Variants in CCDC187 observed in about 807,000 individuals in gnomAD.
CCDC187 encodes coiled-coil domain containing 187, also known as coiled-coil domain-containing protein 187.
In CCDC187, 32 loss-of-function variants were observed where a neutral mutation model predicts 38.0. The observed-to-expected ratio is 0.84, with a 90% CI of 0.64 to 1.13. The LOEUF is 1.13. Ranked by LOEUF, CCDC187 falls within the 50% of genes most tolerant of loss-of-function variation. The pLI is 0.00. For synonymous variants in CCDC187, 333 were observed against 347.9 expected (o/e 0.96, Z 0.48); for missense variants, 707 against 786.8 (o/e 0.90, Z 1.21).
chr9:136,284,334 G>A (rs1293237087), intron 9 of CCDC187, among the ~76,000 whole-genome samples: 1 of 152,158 alleles, frequency 6.6e-6, no homozygotes, highest in Non-Finnish European at 1.5e-5. Context: ...CTGATGTCTG[G>A]GGAGCCCACG....
At chr9:136,282,566 C>T (rs1485445972) in intron 9 of CCDC187, among the ~76,000 whole-genome samples, 4 of 152,212 alleles carry the variant, frequency 2.6e-5, no homozygotes, top group African/African-American at 7.2e-5. Flanking sequence ...GGGCCCCCAT[C>T]TGTGCTTCCT....
intron 3 of CCDC187, among the ~76,000 whole-genome samples, chr9:136,299,802 G>A (rs1489865251): frequency 3.3e-5 from 5 of 152,198 alleles, no homozygotes; most frequent in African/African-American, 1.2e-4. Flanking sequence ...GGGCTGGGGG[G>A]GCAGTGCCTC....
intron 3 of CCDC187, among the ~76,000 whole-genome samples, chr9:136,299,633 C>T (rs1831625355): frequency 6.6e-6 from 1 of 152,198 alleles, no homozygotes; most frequent in Non-Finnish European, 1.5e-5. Context: ...GGGATGAAGG[C>T]CACATCCTCC....
chr9:136,254,434 C>G lies in CCDC187; in HGVS notation c.5394G>C (p.Glu1798Asp). The G allele has an allele frequency of 1.0e-6, 1 of 985,344 alleles. No individual in the cohort carries two copies. Among genetic ancestry groups the G allele is most frequent in the Non-Finnish European group, 1.2e-6 (1 of 829,922 alleles). The allele number at this position is 985,344 out of a possible 1,614,324, so 61.0% of individuals were successfully genotyped here. ...GGSLGLGSGV[E>D]PQVAPPSPRS... is the part of the protein sequence containing the mutation. ...GTGGGGAGGGAGGAGCCACCTGGGG[C>G]TCCACGCCGCTTCCAAGGCCCAGTG... The change falls in exon 26 of 26, where the codon GAG becomes GAC. Residue 1798 changes from glutamate (E) to aspartate (D), a missense_variant. Glu to Asp is a conservative substitution (Grantham distance 45). Transcript: ENST00000638797.
chr9:136,293,163 A>ACACT (rs1255420541), intron 4 of CCDC187, among the ~76,000 whole-genome samples: 1 of 55,656 alleles, frequency 1.8e-5, no homozygotes, highest in Admixed American at 2.4e-4. Flanking sequence ...ACATGCTCAC[A>ACACT]CACTCACATG....
chr9:136,292,300 A>C lies in CCDC187; in HGVS notation c.833-5T>G. ...AAACACCAACCAGCTCCGAATCTTA[A>C]ACAGAGAAAACATACACACAGCCGG... On this transcript the variant is annotated splice_region_variant and splice_polypyrimidine_tract_variant and intron_variant, in intron 4 of 25. Coordinates refer to ENST00000638797, the MANE Select transcript of CCDC187 (RefSeq NM_001378188.1). 2.5e-6 allele frequency: 1 copy of C among 398,650 alleles called. No homozygotes were observed. Among genetic ancestry groups the C allele is most frequent in the Non-Finnish European group, 4.4e-6 (1 of 226,094 alleles). The allele number at this position is 398,650 out of a possible 1,614,324, so 24.7% of individuals were successfully genotyped here.
chr9:136,293,441 A>ATG (rs1831420945), intron 4 of CCDC187, among the ~76,000 whole-genome samples: 8 of 25,630 alleles, frequency 3.1e-4, no homozygotes, highest in Admixed American at 9.1e-4. Flanking sequence ...ATGCTCACAC[A>ATG]CTCACACATG....
intron 4 of CCDC187, among the ~76,000 whole-genome samples, chr9:136,294,797 C>T (rs1831494143): frequency 6.6e-6 from 1 of 152,222 alleles, no homozygotes; most frequent in East Asian, 1.9e-4. Context: ...GGACAGGACC[C>T]CAGGCCATGC....
At position 136,254,101 on chromosome 9, in the gene CCDC187, A is replaced by G. The variant is rs1408558824; in HGVS notation, c.5727T>C (p.Ser1909=). 3.0e-6 allele frequency: 3 copies of G among 985,368 alleles called. No individual in the cohort carries two copies. The highest frequency in any genetic ancestry group is 2.4e-6 in the Non-Finnish European group (2 of 829,996). The allele number at this position is 985,368 out of a possible 1,614,324, so 61.0% of individuals were successfully genotyped here. A position where few individuals can be genotyped will look rare whatever the true frequency, so the allele number is the denominator to read the frequency against. ...CATCCCGGGTTCCCTCCTGGTAGCC[A>G]GAAGTCTCTCCTCCTTTGCCGAAAT... ...GADFGKGGET[S]GYQEGTRDAD... Residue 1909 remains serine (S), a synonymous_variant, in exon 26 of 26, where the codon TCT becomes TCC. Transcript: ENST00000638797.
At chr9:136,268,157 T>C in intron 14 of CCDC187, 32 bp from the exon 15 acceptor site, 1 of 984,808 alleles carries the variant, frequency 1.0e-6, no homozygotes, top group African/African-American at 1.7e-5. Context: ...TTGGGTCATG[T>C]AGGGGGTCTG....
At chr9:136,286,803 G>A (rs1326754801) in intron 7 of CCDC187, 108 bp from the exon 8 acceptor site, 14 of 397,706 alleles carry the variant, frequency 3.5e-5, no homozygotes, top group Admixed American at 1.3e-4. Context: ...CGTCTGTGAC[G>A]GACCCAGTGT....
At chr9:136,302,732 A>G (rs1831715357) in intron 2 of CCDC187, 80 bp downstream of exon 2, 4 of 398,780 alleles carry the variant, frequency 1.0e-5, no homozygotes, top group Non-Finnish European at 1.3e-5. Flanking sequence ...CGTGTCCAGC[A>G]CAGCCCGATC....
intron 12 of CCDC187, among the ~76,000 whole-genome samples, chr9:136,275,529 G>T (rs1057384925): frequency 1.8e-4 from 27 of 152,028 alleles, no homozygotes; most frequent in Admixed American, 3.3e-4. Context: ...TCCTGGAGAT[G>T]CCCCCCAACA....
chr9:136,255,513 C>T (rs1355564695), intron 25 of CCDC187, 144 bp downstream of exon 25: 3 of 210,100 alleles, frequency 1.4e-5, no homozygotes, highest in East Asian at 1.8e-4. Flanking sequence ...TGGGGAGGTG[C>T]GTGGGCAGAG....
chr9:136,290,943 C>T lies in CCDC187; in HGVS notation c.1670G>A (p.Arg557Lys), dbSNP rs1332179064. 5.0e-6 allele frequency: 2 copies of T among 398,714 alleles called. No individual in the cohort carries two copies. The highest frequency in any genetic ancestry group is 8.8e-6 in the Non-Finnish European group (2 of 226,156). 24.7% of individuals were successfully genotyped at this position (398,714 alleles called of 1,614,324 possible). A position where few individuals can be genotyped will look rare whatever the true frequency, so the allele number is the denominator to read the frequency against. The change falls in exon 6 of 26, where the codon AGA becomes AAA. Residue 557 changes from arginine (R) to lysine (K), a missense_variant. Arg to Lys is a conservative substitution (Grantham distance 26). Transcript: ENST00000638797. ...GGGCCTTTCCAGAGGGTTCCGCAGT[C>T]TGGGGCCAGGGTCCTCCCAGGTTTC... is the stretch of plus-strand genomic sequence containing the variant. The part of the protein sequence containing the change: ...ACETWEDPGP[R>K]LRNPLERPSP...
chr9:136,284,287 A>T lies in CCDC187; in HGVS notation c.2927+1226T>A, dbSNP rs1039406164. Reference sequence around the variant, plus strand: ...CTCATGCCCTCGGCCACCCAGCAGAAGACAGCTTGGTGGAGGTGGGTGGCA... The same window carrying T: ...CTCATGCCCTCGGCCACCCAGCAGATGACAGCTTGGTGGAGGTGGGTGGCA... On this transcript the variant is annotated intron_variant, in intron 9 of 25. Transcript: ENST00000638797. Among the ~76,000 whole-genome samples, 1,051 of 152,224 alleles carry T rather than the reference A, an allele frequency of 6.9e-3. 17 individuals are homozygous for T. The highest frequency in any genetic ancestry group is 0.024 in the African/African-American group (990 of 41,548).
At position 136,300,287 on chromosome 9, in the gene CCDC187, T is replaced by G; in HGVS notation, c.657A>C (p.Arg219Ser). 2.5e-6 allele frequency: 1 copy of G among 398,672 alleles called. No homozygotes were observed. The highest frequency in any genetic ancestry group is 3.6e-5 in the East Asian group (1 of 28,072). 24.7% of individuals were successfully genotyped at this position (398,672 alleles called of 1,614,324 possible). A position where few individuals can be genotyped will look rare whatever the true frequency, so the allele number is the denominator to read the frequency against. ...GFSILSAAER[R>S]VEAKASHGQG... The stretch of plus-strand genomic sequence containing the variant: ...GGCCGTGGGATGCCTTGGCTTCAAC[T>G]CTGCGCTCAGCTGCACTCAAGATGC... Residue 219 changes from arginine to serine, a missense_variant, in exon 3 of 26, where the codon AGA becomes AGC. Transcript: ENST00000638797.
chr9:136,302,735 G>A, intron 2 of CCDC187, 77 bp downstream of exon 2: 1 of 398,870 alleles, frequency 2.5e-6, no homozygotes, highest in Non-Finnish European at 4.4e-6. Context: ...GTCCAGCACA[G>A]CCCGATCCTG....
At chr9:136,270,400 A>T (rs1588656103) in intron 14 of CCDC187, among the ~76,000 whole-genome samples, 2 of 75,082 alleles carry the variant, frequency 2.7e-5, no homozygotes, top group Non-Finnish European at 8.1e-5. Context: ...ATCATAGGAC[A>T]GGGGGCCCTT....
Sources: gnomAD v4.1 joint callset for allele counts (sites outside exome capture counted in the v4.1 genomes callset) on GRCh38, gnomAD v4.1.1 for gene constraint, MANE v1.5 for transcripts, NCBI Gene and HGNC (gene_info 2026-07-23, HGNC 2026-07-21) for gene names.